CHL1: variants seen among roughly 807,000 people sequenced by gnomAD.
CHL1 encodes the protein neural cell adhesion molecule L1-like protein.
A neutral mutation model predicts 141.9 loss-of-function variants in CHL1; 96 were observed. The ratio of observed to expected loss-of-function variants is 0.68; its 90% confidence interval spans 0.57 to 0.80. The LOEUF is 0.80. Among genes scored for constraint, CHL1 ranks in the 30% least tolerant of loss-of-function variants. The pLI is 0.00. For missense variants in CHL1, 1,820 were observed against 1,457.2 expected (o/e 1.25, Z -4.05); for synonymous variants, 613 against 502.2 (o/e 1.22, Z -2.95).
intron 25 of CHL1, among the ~76,000 whole-genome samples, chr3:398,600 T>G (rs1419486275): frequency 2.0e-5 from 3 of 152,230 alleles, no homozygotes; most frequent in Non-Finnish European, 4.4e-5. Context: ...CTAGAGTTGT[T>G]GCCTAAAAAT....
intron 2 of CHL1, among the ~76,000 whole-genome samples, chr3:261,706 G>A (rs1342218124): frequency 2.6e-5 from 4 of 152,048 alleles, no homozygotes; most frequent in East Asian, 1.9e-4. Context: ...AGAAACATAA[G>A]CCACAGACTT....
At chr3:233,906 A>G (rs963448013) in intron 1 of CHL1, among the ~76,000 whole-genome samples, 2 of 152,124 alleles carry the variant, frequency 1.3e-5, no homozygotes, top group Admixed American at 6.6e-5. Flanking sequence ...ATATATTAAT[A>G]TGTTTAATCC....
At chr3:392,552 A>G (rs1225659869) in intron 23 of CHL1, among the ~76,000 whole-genome samples, 1 of 152,210 alleles carries the variant, frequency 6.6e-6, no homozygotes. Flanking sequence ...TCATCTCAAA[A>G]TGGAAATTCG....
At chr3:384,712 T>C (rs1348496630) in intron 19 of CHL1, 1 of 152,246 alleles carries the variant, frequency 6.6e-6, no homozygotes, top group Non-Finnish European at 1.5e-5. Context: ...TGATGAGTAA[T>C]AGGCCTCCAA....
At chr3:321,136 G>A (rs1700530362) in intron 3 of CHL1, among the ~76,000 whole-genome samples, 1 of 151,994 alleles carries the variant, frequency 6.6e-6, no homozygotes, top group Non-Finnish European at 1.5e-5. Context: ...TATTCTAAGG[G>A]CCACCTTAAA....
chr3:374,638 T>A (rs1316320694), intron 15 of CHL1, among the ~76,000 whole-genome samples: 1 of 152,188 alleles, frequency 6.6e-6, no homozygotes, highest in Non-Finnish European at 1.5e-5. Flanking sequence ...GTTCTGCCAA[T>A]TTCCCTAAAC....
chr3:382,214 G>A lies in CHL1; in HGVS notation c.1912G>A (p.Glu638Lys), dbSNP rs1377315813. 1 of 1,613,542 alleles carries A rather than the reference G, an allele frequency of 6.2e-7. No individual in the cohort carries two copies. The highest frequency in any genetic ancestry group is 8.5e-7 in the Non-Finnish European group (1 of 1,179,748). ...PDPPENLHLS[E>K]RQNRSVRLTW... ...TCCACCAGAAAACCTTCACTTGTCT[G>A]AAAGACAGAACAGGAGTGTTCGGCT... is the stretch of plus-strand genomic sequence containing the variant. Residue 638 changes from glutamate to lysine, a missense_variant, in exon 17 of 28, where the codon GAA (glutamate) becomes AAA (lysine). Transcript: ENST00000256509.
intron 1 of CHL1, among the ~76,000 whole-genome samples, chr3:203,929 G>T (rs1699179125): frequency 6.6e-6 from 1 of 152,172 alleles, no homozygotes; most frequent in Non-Finnish European, 1.5e-5. Flanking sequence ...TTACATTTGT[G>T]GAACGTGAGT....
intron 9 of CHL1, among the ~76,000 whole-genome samples, 195 bp from the exon 10 acceptor site, chr3:349,164 A>G (rs138281271): frequency 6.6e-6 from 1 of 152,192 alleles, no homozygotes; most frequent in African/African-American, 2.4e-5. Flanking sequence ...CTTTCAGTGA[A>G]AGAGACTTGC....
chr3:267,976 T>C (rs1695300745), intron 2 of CHL1, among the ~76,000 whole-genome samples: 2 of 152,184 alleles, frequency 1.3e-5, no homozygotes, highest in South Asian at 4.1e-4. Context: ...AAAATGATTC[T>C]TTCCTATGAA....
At chr3:316,735 G>A (rs563363772) in intron 2 of CHL1, among the ~76,000 whole-genome samples, 4 of 151,814 alleles carry the variant, frequency 2.6e-5, no homozygotes, top group African/African-American at 9.7e-5. Flanking sequence ...TTGTATGCCT[G>A]TATCAAAACA....
chr3:203,073 T>G lies in CHL1; in HGVS notation c.-175+6010T>G, dbSNP rs570266896. Among the ~76,000 whole-genome samples the G allele has an allele frequency of 4.3e-4, 66 of 152,342 alleles. 2 individuals carry two copies. The South Asian group carries it at 0.012, about 28-fold the overall frequency. Reference sequence around the variant, plus strand: ...TTATTGTTTTTGGACTAAAGTACTGTGTCAGAAAAAGCTTTAAAAATGAGA... The same window carrying G: ...TTATTGTTTTTGGACTAAAGTACTGGGTCAGAAAAAGCTTTAAAAATGAGA... On this transcript the variant is annotated intron_variant, in intron 1 of 27. Transcript: ENST00000256509.
At chr3:352,378 G>C (rs1703345517) in intron 10 of CHL1, among the ~76,000 whole-genome samples, 1 of 151,974 alleles carries the variant, frequency 6.6e-6, no homozygotes, top group East Asian at 1.9e-4. Context: ...TTTTTTCCTA[G>C]TGATAAACAT....
Position 391,704 on chromosome 3 carries a change from A to G in CHL1, c.2821A>G (p.Ile941Val). The G allele has an allele frequency of 6.2e-7, 1 of 1,607,086 alleles. No individual in the cohort carries two copies. The highest frequency in any genetic ancestry group is 8.5e-7 in the Non-Finnish European group (1 of 1,175,998). ...VPEQPTFLKV[I>V]KVDKDTATLS... The stretch of plus-strand genomic sequence containing the variant: ...TGAACAGCCAACTTTTCTAAAGGTC[A>G]TCAAAGTTGATAAAGACACTGCCAC... The change falls in exon 23 of 28, where the codon ATC (isoleucine) becomes GTC (valine). Residue 941 changes from isoleucine to valine, a missense_variant. By Grantham distance (29) the Ile-to-Val change is conservative. Coordinates refer to ENST00000256509, the MANE Select transcript of CHL1 (RefSeq NM_006614.4).
chr3:346,825 C>T (rs913719448), intron 9 of CHL1, among the ~76,000 whole-genome samples: 5 of 152,066 alleles, frequency 3.3e-5, no homozygotes, highest in Non-Finnish European at 7.4e-5. Context: ...CATTAACCTC[C>T]TATAGTAACA....
rs78254141 is a variant in CHL1, at chr3:288,058, A to G, written c.-94-31625A>G. 9.2e-5 allele frequency among the ~76,000 whole-genome samples: 14 copies of G among 152,278 alleles called. No homozygotes were observed. The East Asian group carries it at 1.2e-3, about 13-fold the overall frequency. ...GCTGGGATTACAGGCATGAGCCACTATGACCCGCCTTCACTGGAATTCTTT... is the reference window on the plus strand; with the variant it reads ...GCTGGGATTACAGGCATGAGCCACTGTGACCCGCCTTCACTGGAATTCTTT... On this transcript the variant is annotated intron_variant, in intron 2 of 27. Transcript: ENST00000256509.
intron 11 of CHL1, among the ~76,000 whole-genome samples, chr3:356,239 G>T: frequency 6.6e-6 from 1 of 152,160 alleles, no homozygotes; most frequent in South Asian, 2.1e-4. Flanking sequence ...TGAATGTTCA[G>T]GTTACAAAAG....
chr3:371,339 G>C (rs4586791), intron 15 of CHL1, among the ~76,000 whole-genome samples: 1 of 151,950 alleles, frequency 6.6e-6, no homozygotes, highest in Non-Finnish European at 1.5e-5. Flanking sequence ...TGGTTGAATT[G>C]TTCCCTTTAC....
chr3:326,114 A>T (rs1366807169), intron 4 of CHL1, 50 bp downstream of exon 4: 26 of 1,113,160 alleles, frequency 2.3e-5, no homozygotes, highest in Non-Finnish European at 3.3e-5. Flanking sequence ...GCTGTTCTTT[A>T]TGCTGCTCTT....
Sources: gnomAD v4.1 joint callset for allele counts (sites outside exome capture counted in the v4.1 genomes callset) on GRCh38, gnomAD v4.1.1 for gene constraint, MANE v1.5 for transcripts, NCBI Gene and HGNC (gene_info 2026-07-23, HGNC 2026-07-21) for gene names.